TTC3: variants seen among roughly 807,000 people sequenced by gnomAD.
The protein encoded by TTC3 is E3 ubiquitin-protein ligase TTC3.
In TTC3, 180 loss-of-function variants were observed where a neutral mutation model predicts 249.6. The observed-to-expected ratio is 0.72, with a 90% CI of 0.64 to 0.82. TTC3 has a LOEUF of 0.82. TTC3 is among the 40% of genes least tolerant of loss of function. TTC3 has a pLI of 0.00. For synonymous variants in TTC3, 717 were observed against 805.0 expected, an observed-to-expected ratio of 0.89 and a Z score of 1.85; for missense variants, 2,061 against 2,398.4, an observed-to-expected ratio of 0.86 and a Z score of 2.94.
At chr21:37,135,344 G>T in intron 17 of TTC3, 36 bp from the exon 18 acceptor site, 2 of 1,582,714 alleles carry the variant, frequency 1.3e-6, no homozygotes, top group Non-Finnish European at 1.7e-6. Context: ...AAAATGTGTA[G>T]ATTCAGGTTA....
intron 1 of TTC3, among the ~76,000 whole-genome samples, chr21:37,084,959 C>T (rs2072234753): frequency 6.6e-6 from 1 of 152,108 alleles, no homozygotes. Flanking sequence ...TGCCAGTGCA[C>T]TCCAGCCTGG....
At chr21:37,099,047 T>A (rs1289614945) in intron 10 of TTC3, 3 of 152,082 alleles carry the variant, frequency 2.0e-5, no homozygotes, top group Non-Finnish European at 1.5e-5. Flanking sequence ...GAAGCAAGAA[T>A]TGAGATGTCC....
At chr21:37,073,382 G>T (rs904056193) in intron 1 of TTC3, 2 of 983,710 alleles carry the variant, frequency 2.0e-6, no homozygotes, top group Admixed American at 1.2e-4. Flanking sequence ...CACACCCGGC[G>T]CGCTGCCGGG....
At chr21:37,123,178 G>T in intron 13 of TTC3, 150 bp downstream of exon 13, 1 of 745,622 alleles carries the variant, frequency 1.3e-6, no homozygotes, top group Non-Finnish European at 2.2e-6. Flanking sequence ...TTAAGTGTCC[G>T]TGTTATCAGG....
intron 11 of TTC3, among the ~76,000 whole-genome samples, chr21:37,116,775 C>T (rs1320425547): frequency 6.6e-6 from 1 of 151,864 alleles, no homozygotes; most frequent in Non-Finnish European, 1.5e-5. Context: ...CCACTGCATT[C>T]CAGCCTGGGT....
At chr21:37,173,028 C>T (rs148898702) in intron 35 of TTC3, among the ~76,000 whole-genome samples, 67 of 152,244 alleles carry the variant, frequency 4.4e-4, no homozygotes, top group African/African-American at 1.5e-3. Flanking sequence ...TTTATGGTGA[C>T]TGAGCTCTGA....
intron 14 of TTC3, 32 bp from the exon 15 acceptor site, chr21:37,126,048 T>G (rs753037563): frequency 6.3e-7 from 1 of 1,579,716 alleles, no homozygotes; most frequent in Non-Finnish European, 8.5e-7. Flanking sequence ...GTTGTTTTTT[T>G]TTTTTTTAAG....
In TTC3 at chr21:37,150,177, A is replaced by T. The variant is rs1414014942; in HGVS notation, c.2211+7A>T. 6.2e-7 allele frequency: 1 copy of T among 1,600,042 alleles called. No homozygotes were observed. The highest frequency in any genetic ancestry group is 8.6e-7 in the Non-Finnish European group (1 of 1,169,180). On this transcript the variant is annotated splice_region_variant and intron_variant, in intron 24 of 45. Transcript: ENST00000355666. The stretch of plus-strand genomic sequence containing the variant: ...TGGTGAAGTTAAATGTGAAGTAAGT[A>T]ATAAAGGGGAAACCTTGTTAGATAG...
intron 11 of TTC3, among the ~76,000 whole-genome samples, chr21:37,115,770 C>T (rs1331828169): frequency 6.6e-6 from 1 of 152,166 alleles, no homozygotes; most frequent in Non-Finnish European, 1.5e-5. Flanking sequence ...CACTGTTCCT[C>T]AGACATTCCA....
Position 37,189,600 on chromosome 21 carries a change from T to A in TTC3, c.5024+1005T>A, listed in dbSNP as rs187295242. Among the ~76,000 whole-genome samples, 659 of 151,834 alleles carry A rather than the reference T, an allele frequency of 4.3e-3. 7 individuals are homozygous for A. Among genetic ancestry groups the A allele is most frequent in the African/African-American group, 0.015 (630 of 41,390 alleles). ...TCTCGCTCTGTCGCCCATGCTGGAG[T>A]GTAGTGGCGTGATCTCGGCTCACTG... On this transcript the variant is annotated intron_variant, in intron 39 of 45. Transcript: ENST00000355666.
At chr21:37,079,514 A>G (rs1303323263) in intron 1 of TTC3, among the ~76,000 whole-genome samples, 2 of 80,742 alleles carry the variant, frequency 2.5e-5, no homozygotes, top group Non-Finnish European at 4.6e-5. Flanking sequence ...AGTTTATGGT[A>G]TGGTTTTTTT....
rs939522752 is a variant in TTC3, at chr21:37,154,727, G to C, written c.2740+1450G>C. On this transcript the variant is annotated intron_variant, in intron 27 of 45. Coordinates refer to ENST00000355666, the Ensembl canonical transcript of TTC3. ...GTTTGTTTTTTTGAGACAGAGTGTC[G>C]CTCTGTTGCCCAGGCTGGAGTGCAG... Among the ~76,000 whole-genome samples the C allele has an allele frequency of 2.6e-5, 4 of 151,994 alleles. No homozygotes were observed. In the East Asian group the frequency reaches 7.7e-4, roughly 29 times the overall value.
chr21:37,186,124 G>A (rs1427540075), intron 37 of TTC3: 1 of 153,544 alleles, frequency 6.5e-6, no homozygotes, highest in Non-Finnish European at 1.4e-5. Context: ...CTGTAGGCTG[G>A]TAGTTTGTTG....
chr21:37,098,969 T>G (rs2074213625), intron 10 of TTC3: 1 of 152,052 alleles, frequency 6.6e-6, no homozygotes, highest in Non-Finnish European at 1.5e-5. Context: ...GCATCCACCC[T>G]CCCCCAGTTT....
chr21:37,164,092 A>C, exon 32 of TTC3: 1 of 1,612,560 alleles, frequency 6.2e-7, no homozygotes, highest in Non-Finnish European at 8.5e-7. Context: ...GCAGTGCCTG[A>C]CCATCTTCGG....
At chr21:37,166,018 T>A in exon 33 of TTC3, 3 of 1,614,192 alleles carry the variant, frequency 1.9e-6, no homozygotes, top group Non-Finnish European at 2.5e-6. Flanking sequence ...TTTCTGAGGA[T>A]GGGCAACCCA....
intron 33 of TTC3, among the ~76,000 whole-genome samples, chr21:37,166,990 T>A (rs371626840): frequency 1.3e-5 from 2 of 152,304 alleles, no homozygotes; most frequent in East Asian, 1.9e-4. Flanking sequence ...GTGCCTTACC[T>A]GCCAGTTACA....
exon 42 of TTC3, chr21:37,195,717 C>G: frequency 6.2e-7 from 1 of 1,613,774 alleles, no homozygotes; most frequent in Non-Finnish European, 8.5e-7. Context: ...CGACGATGGC[C>G]AAGGGCTTGT....
rs1306899801 is a variant in TTC3, at chr21:37,122,419, AATATATATATATATATATTAT to A, written c.1063+454_1063+474del. On this transcript the variant is annotated intron_variant, in intron 12 of 45. Coordinates refer to ENST00000355666, the Ensembl canonical transcript of TTC3. ...CAGCGTGCTGAATATATATATATAT[AATATATATATATATATATTAT>A]ATATATATATATAATGTTTTTTATA... 1.5e-3 allele frequency among the ~76,000 whole-genome samples: 57 copies of A among 38,022 alleles called. 3 individuals carry two copies. Among genetic ancestry groups the A allele is most frequent in the Admixed American group, 0.011 (34 of 3,002 alleles). The allele number at this position is 38,022 out of a possible 152,430, so 24.9% of individuals were successfully genotyped here. A position where few individuals can be genotyped will look rare whatever the true frequency, so the allele number is the denominator to read the frequency against.
Sources: allele counts gnomAD v4.1 joint callset (sites outside exome capture counted in the v4.1 genomes callset), GRCh38; gene constraint gnomAD v4.1.1; transcripts MANE v1.5; gene names NCBI Gene and HGNC (gene_info 2026-07-23, HGNC 2026-07-21).